The following DNAH2 variants were observed in gnomAD, a reference collection of about 807,000 sequenced individuals.
The protein encoded by DNAH2 is axonemal beta dynein heavy chain 2.
Under a neutral mutation model 523.5 loss-of-function variants are expected in DNAH2, and 323 were observed. The observed-to-expected ratio is 0.62, with a 90% CI of 0.56 to 0.68. The LOEUF (loss-of-function observed/expected upper bound fraction) is 0.68, where lower values mean the gene tolerates loss of function less well. Among genes scored for constraint, DNAH2 ranks in the 30% least tolerant of loss-of-function variants. The pLI, the probability that DNAH2 is intolerant of heterozygous loss-of-function variation, is 0.00. For synonymous variants in DNAH2, 2,093 were observed against 2,177.4 expected (o/e 0.96, Z 1.08); for missense variants, 4,907 against 5,701.5 (o/e 0.86, Z 4.49).
intron 12 of DNAH2, among the ~76,000 whole-genome samples, chr17:7,745,542 C>T (rs944259894): frequency 5.9e-5 from 9 of 152,134 alleles, no homozygotes; most frequent in African/African-American, 2.2e-4. Context: ...ATGTGGCTGG[C>T]GCAGTGGCTC....
intron 47 of DNAH2, 27 bp from the exon 48 acceptor site, chr17:7,792,954 C>T: frequency 6.2e-7 from 1 of 1,600,872 alleles, no homozygotes; most frequent in African/African-American, 1.3e-5. Context: ...AGGGGACCCA[C>T]ACATTCATTC....
chr17:7,792,604 T>G, intron 46 of DNAH2, 53 bp from the exon 47 acceptor site: 1 of 1,462,430 alleles, frequency 6.8e-7, no homozygotes. Flanking sequence ...GAAGTGGGAG[T>G]TGGAAAGGAG....
In DNAH2 at chr17:7,792,687, C is replaced by T. The variant is rs141582487; in HGVS notation, c.7176C>T (p.Thr2392=). Residue 2392 remains threonine, a synonymous_variant, in exon 47 of 86, where the codon ACC becomes ACT. Transcript: ENST00000572933. ...NAPFYKIMVP[T]VDTVRYNYLV... ...CCTTCTATAAGATCATGGTGCCCAC[C>T]GTCGACACTGTTCGCTACAACTACC... The T allele has an allele frequency of 1.3e-5, 21 of 1,613,984 alleles. No individual in the cohort carries two copies. The highest frequency in any genetic ancestry group is 1.1e-4 in the African/African-American group (8 of 74,902).
rs142039583 is a variant in DNAH2 at position 7,831,714 on chromosome 17, C to T, written c.12665C>T (p.Thr4222Ile). 7.4e-6 allele frequency: 12 copies of T among 1,614,060 alleles called. No individual in the cohort carries two copies. The highest frequency in any genetic ancestry group is 3.3e-5 in the Admixed American group (2 of 59,996). The change falls in exon 82 of 86, where the codon ACA (threonine) becomes ATA (isoleucine). Residue 4222 changes from threonine (T) to isoleucine (I), a missense_variant. By Grantham distance (89) the Thr-to-Ile change is moderately conservative. This residue lies in a region of DNAH2 where 1,851 missense variants were observed against 2,139.4 expected (regional missense o/e 0.87). Transcript: ENST00000572933. The surrounding 1 kb of genome is among the most constrained non-coding windows in gnomAD (Gnocchi z 4.2). ...ATCCAGGGTCTCATCGTCATGTCTA[C>T]AAGCCTGGAAGAGATTTTCAATTGC... is the stretch of plus-strand genomic sequence containing the variant. ...KGIQGLIVMS[T>I]SLEEIFNCIF...
Position 7,787,925 on chromosome 17 carries a change from G to A in DNAH2, c.6669G>A (p.Gly2223=), listed in dbSNP as rs200553120. 3.1e-6 allele frequency: 5 copies of A among 1,614,206 alleles called. No individual in the cohort carries two copies. The East Asian group carries it at 1.1e-4, about 36-fold the overall frequency. ...MASPATVSRC[G]MVYTDYADLG... ...CTCCGGCCACTGTATCCCGCTGCGG[G>A]ATGGTCTACACTGACTACGCTGACC... Residue 2223 remains glycine (G), a synonymous_variant, in exon 43 of 86, where the codon GGG becomes GGA. Coordinates refer to ENST00000572933, the MANE Select transcript of DNAH2 (RefSeq NM_020877.5).
chr17:7,818,800 A>G, intron 70 of DNAH2, 24 bp downstream of exon 70: 1 of 1,613,634 alleles, frequency 6.2e-7, no homozygotes, highest in East Asian at 2.2e-5. Flanking sequence ...TTCCCCTCCC[A>G]CTGCCCCACG....
chr17:7,810,036 C>T (rs2077469044), intron 63 of DNAH2, among the ~76,000 whole-genome samples: 1 of 150,192 alleles, frequency 6.7e-6, no homozygotes, highest in South Asian at 2.1e-4. Context: ...TTCCTTCCTT[C>T]CTTTTCTTCT....
intron 3 of DNAH2, among the ~76,000 whole-genome samples, chr17:7,723,899 A>G (rs1182523443): frequency 6.6e-6 from 1 of 152,154 alleles, no homozygotes; most frequent in African/African-American, 2.4e-5. Flanking sequence ...GCTTTAAGTA[A>G]GGCGCAGGTC....
At chr17:7,815,955 T>C (rs1342678309) in intron 63 of DNAH2, among the ~76,000 whole-genome samples, 6 of 152,192 alleles carry the variant, frequency 3.9e-5, no homozygotes, top group African/African-American at 1.4e-4. Context: ...TGTCTTTTTA[T>C]TTTTATTCTT....
intron 4 of DNAH2, among the ~76,000 whole-genome samples, chr17:7,730,976 G>A (rs1463265972): frequency 6.6e-6 from 1 of 151,588 alleles, no homozygotes; most frequent in Non-Finnish European, 1.5e-5. Context: ...AAATTAGCTG[G>A]GCGTGGCGGT....
In DNAH2 at chr17:7,754,711, G is replaced by A. The variant is rs307624; in HGVS notation, c.1905-2380G>A. 5 of 1,179,296 alleles carry A rather than the reference G, an allele frequency of 4.2e-6. No homozygotes were observed. The Admixed American group carries it at 5.1e-5, about 12-fold the overall frequency. 73.1% of individuals were successfully genotyped at this position (1,179,296 alleles called of 1,614,324 possible). A position where few individuals can be genotyped will look rare whatever the true frequency, so the allele number is the denominator to read the frequency against. Reference sequence around the variant, plus strand: ...CACCCCAACCTTGGGAAGCTTGCTCGTGCCCGCATGGCCAAGGGGCTCAGG... The same window carrying A: ...CACCCCAACCTTGGGAAGCTTGCTCATGCCCGCATGGCCAAGGGGCTCAGG... On this transcript the variant is annotated intron_variant, in intron 12 of 85. Coordinates refer to ENST00000572933, the MANE Select transcript of DNAH2 (RefSeq NM_020877.5). The surrounding 1 kb of genome is among the most constrained non-coding windows in gnomAD (Gnocchi z 4.6).
chr17:7,722,269 T>C (rs1238335209), intron 2 of DNAH2, among the ~76,000 whole-genome samples: 1 of 152,040 alleles, frequency 6.6e-6, no homozygotes, highest in Admixed American at 6.6e-5. Context: ...CCTCCCAAAG[T>C]GCTGGGATTA....
In DNAH2 at chr17:7,787,007, GGCGAGCGCATCGCGATGCCC is replaced by G; in HGVS notation, c.6579_6598del (p.Glu2194AlafsTer7). The G allele has an allele frequency of 1.2e-6, 2 of 1,614,154 alleles. No homozygotes were observed. The highest frequency in any genetic ancestry group is 1.7e-6 in the Non-Finnish European group (2 of 1,180,030). Reference sequence around the variant, plus strand: ...TAACAAGGTGTTGACCCTCATCAACGGCGAGCGCATCGCGATGCCCGAGCAGGTCAGGGACGCGGCTGACT... The same window carrying G: ...TAACAAGGTGTTGACCCTCATCAACGGAGCAGGTCAGGGACGCGGCTGACT... On this transcript the variant is annotated frameshift_variant, in exon 42 of 86. Coordinates refer to ENST00000572933, the MANE Select transcript of DNAH2 (RefSeq NM_020877.5). LOFTEE classifies it high-confidence loss of function.
intron 18 of DNAH2, among the ~76,000 whole-genome samples, chr17:7,761,451 A>AT (rs1016437356): frequency 1.3e-5 from 2 of 151,152 alleles, no homozygotes; most frequent in African/African-American, 4.9e-5. Context: ...TTTTTTTAAA[A>AT]TTTTTTGTAG....
chr17:7,788,553 C>G (rs1258720440), intron 44 of DNAH2, among the ~76,000 whole-genome samples: 1 of 152,216 alleles, frequency 6.6e-6, no homozygotes, highest in Non-Finnish European at 1.5e-5. Context: ...CCGCTCCTCA[C>G]TTCTCCATCC....
intron 2 of DNAH2, among the ~76,000 whole-genome samples, chr17:7,722,605 T>G (rs1203717478): frequency 1.3e-5 from 2 of 152,146 alleles, no homozygotes. Context: ...TTTTCTGTCT[T>G]TATGGATTTG....
chr17:7,765,254 CTCATGAGAGG>C, intron 20 of DNAH2, 127 bp from the exon 21 acceptor site: 1 of 581,828 alleles, frequency 1.7e-6, no homozygotes, highest in Non-Finnish European at 3.1e-6. Flanking sequence ...TCATCCTCCA[CTCATGAGAGG>C]GCAGACCTCC....
intron 22 of DNAH2, among the ~76,000 whole-genome samples, chr17:7,767,082 G>A (rs1046242959): frequency 2.7e-4 from 11 of 40,836 alleles, no homozygotes; most frequent in South Asian, 7.4e-4. Context: ...CCCGTCCCCC[G>A]CCCCAGTCCC....
rs766811062 is a variant in DNAH2, at chr17:7,727,754, C to CAAAAAA, written c.399+481_399+486dup. 5.0e-3 allele frequency among the ~76,000 whole-genome samples: 243 copies of CAAAAAA among 48,956 alleles called. 4 individuals carry two copies. Among genetic ancestry groups the CAAAAAA allele is most frequent in the African/African-American group, 0.019 (230 of 11,986 alleles). 32.1% of individuals were successfully genotyped at this position (48,956 alleles called of 152,430 possible). A position where few individuals can be genotyped will look rare whatever the true frequency, so the allele number is the denominator to read the frequency against. Reference sequence around the variant, plus strand: ...CTGGTGACAGAGAAAGACTCTGTCTCAAAAAAAAAAAAAAAAAAAAAAAAG... The same window carrying CAAAAAA: ...CTGGTGACAGAGAAAGACTCTGTCTCAAAAAAAAAAAAAAAAAAAAAAAAAAAAAAG... On this transcript the variant is annotated intron_variant, in intron 4 of 85. Coordinates refer to ENST00000572933, the MANE Select transcript of DNAH2 (RefSeq NM_020877.5).
Sources: allele counts gnomAD v4.1 joint callset (sites outside exome capture counted in the v4.1 genomes callset), GRCh38; gene constraint gnomAD v4.1.1; regional missense constraint gnomAD v4.1.1; non-coding constraint Gnocchi (gnomAD v3.1); transcripts MANE v1.5; gene names NCBI Gene and HGNC (gene_info 2026-07-23, HGNC 2026-07-21).